IFT140: variants seen among roughly 807,000 people sequenced by gnomAD.
The protein encoded by IFT140 is intraflagellar transport 140.
IFT140 carries 133 observed loss-of-function variants against 164.6 expected under a neutral mutation model. That is an observed-to-expected ratio of 0.81 (90% CI 0.70 to 0.93). IFT140 has a LOEUF of 0.93. IFT140 is among the 40% of genes least tolerant of loss of function. IFT140 has a pLI of 0.00. For synonymous variants in IFT140, 860 were observed against 817.3 expected (o/e 1.05, Z -0.89); for missense variants, 2,045 against 1,972.3 (o/e 1.04, Z -0.70).
chr16:1,580,703 G>T, intron 13 of IFT140, 56 bp downstream of exon 13: 1 of 1,160,746 alleles, frequency 8.6e-7, no homozygotes, highest in Non-Finnish European at 1.3e-6. Flanking sequence ...TGTCTCAATT[G>T]AGAGGCAGGA....
chr16:1,511,012 G>A lies in IFT140; in HGVS notation c.4321C>T (p.His1441Tyr), dbSNP rs1471404361. The A allele has an allele frequency of 6.2e-7, 1 of 1,609,048 alleles. No homozygotes were observed. Among genetic ancestry groups the A allele is most frequent in the South Asian group, 1.1e-5 (1 of 90,424 alleles). The change falls in exon 31 of 31, where the codon CAC becomes TAC. Residue 1441 changes from histidine (H) to tyrosine (Y), a missense_variant. Transcript: ENST00000426508. ...TCCCTGGCGTCCTCCATGCTGTTGT[G>A]GCGGACCTGCTCGGGGACGGTGCGT... ...LPRTVPEQVR[H>Y]NSMEDARELD...
rs750511706 is a variant in IFT140, at chr16:1,518,345, C to T, written c.4053G>A (p.Glu1351=). The part of the protein sequence containing the change: ...RFIQARRTYT[E]DPKESIKQCE... ...ACTGCTTGATGGACTCCTTGGGGTC[C>T]TCTGTGTACGTCCTGCCGAGAGCAG... Residue 1351 remains glutamate, a synonymous_variant, in exon 30 of 31, where the codon GAG becomes GAA. Coordinates refer to ENST00000426508, the MANE Select transcript of IFT140 (RefSeq NM_014714.4). The T allele has an allele frequency of 1.9e-6, 3 of 1,613,780 alleles. No homozygotes were observed. Among genetic ancestry groups the T allele is most frequent in the East Asian group, 4.5e-5 (2 of 44,882 alleles).
chr16:1,534,732 G>A (rs2030891971), intron 19 of IFT140, among the ~76,000 whole-genome samples: 1 of 150,806 alleles, frequency 6.6e-6, no homozygotes, highest in Non-Finnish European at 1.5e-5. Flanking sequence ...AGGCCCCAAG[G>A]CCCCCTCTCC....
intron 1 of IFT140, among the ~76,000 whole-genome samples, chr16:1,611,663 A>C (rs1477771855): frequency 1.3e-5 from 2 of 151,586 alleles, no homozygotes; most frequent in African/African-American, 4.8e-5. Context: ...AAAAACACAC[A>C]AATTAGCGAG....
chr16:1,592,407 G>C, intron 5 of IFT140, 60 bp downstream of exon 5: 1 of 1,610,204 alleles, frequency 6.2e-7, no homozygotes, highest in Non-Finnish European at 8.5e-7. Context: ...GGAGCAGCCC[G>C]CTTCCCACCT....
chr16:1,597,161 G>GTCAA (rs1016346049), intron 4 of IFT140, among the ~76,000 whole-genome samples: 1 of 152,182 alleles, frequency 6.6e-6, no homozygotes, highest in African/African-American at 2.4e-5. Flanking sequence ...GTGCGCGTCA[G>GTCAA]GTGAGGGTTT....
chr16:1,598,229 C>T (rs1468195022), intron 4 of IFT140, among the ~76,000 whole-genome samples: 3 of 152,160 alleles, frequency 2.0e-5, no homozygotes, highest in South Asian at 2.1e-4. Context: ...GAGGCTGAGG[C>T]GGGCAGATCA....
intron 8 of IFT140, among the ~76,000 whole-genome samples, chr16:1,587,529 G>A (rs2034951575): frequency 6.6e-6 from 1 of 152,234 alleles, no homozygotes; most frequent in Non-Finnish European, 1.5e-5. Flanking sequence ...TATGGCAGGA[G>A]GTCGCCAAGA....
chr16:1,602,931 C>T (rs2142047208), intron 3 of IFT140, among the ~76,000 whole-genome samples: 1 of 152,252 alleles, frequency 6.6e-6, no homozygotes, highest in South Asian at 2.1e-4. Context: ...CAGAGCAAGA[C>T]TCTGTCTCCA....
chr16:1,611,161 A>G (rs1200353128), intron 1 of IFT140, among the ~76,000 whole-genome samples: 1 of 152,174 alleles, frequency 6.6e-6, no homozygotes, highest in Admixed American at 6.5e-5. Flanking sequence ...GGCCTGTTCC[A>G]TCGCCGGGCC....
chr16:1,552,499 G>A (rs554341009), intron 19 of IFT140, among the ~76,000 whole-genome samples: 5 of 152,216 alleles, frequency 3.3e-5, no homozygotes, highest in African/African-American at 1.2e-4. Context: ...TGTTCAAAGT[G>A]CCCTCATTTT....
intron 19 of IFT140, among the ~76,000 whole-genome samples, chr16:1,556,067 T>C (rs746729425): frequency 6.6e-6 from 1 of 152,042 alleles, no homozygotes; most frequent in Non-Finnish European, 1.5e-5. Context: ...GATTGTGCCA[T>C]TGCACTCCAG....
rs771070134 is a variant in IFT140 at position 1,519,894 on chromosome 16, T to G, written c.4027A>C (p.Ile1343Leu). 6.4e-7 allele frequency: 1 copy of G among 1,557,204 alleles called. No individual in the cohort carries two copies. Among genetic ancestry groups the G allele is most frequent in the Admixed American group, 2.0e-5 (1 of 49,854 alleles). ...CCGGGGGCACACCTGCGGGCCTGGA[T>G]GAACCTCTTCACCAGTGCCATCCTG... Reference protein sequence around the residue: ...QSRMALVKRFIQARRTYTEDP... With the variant: ...QSRMALVKRFLQARRTYTEDP... Residue 1343 changes from isoleucine (I) to leucine (L), a missense_variant, in exon 29 of 31, where the codon ATC becomes CTC. Coordinates refer to ENST00000426508, the MANE Select transcript of IFT140 (RefSeq NM_014714.4).
At position 1,524,705 on chromosome 16, in the gene IFT140, CAAAG is replaced by C; in HGVS notation, c.2998-14_2998-11del. 1.3e-6 allele frequency: 2 copies of C among 1,574,784 alleles called. No individual in the cohort carries two copies. The highest frequency in any genetic ancestry group is 1.7e-6 in the Non-Finnish European group (2 of 1,153,858). On this transcript the variant is annotated splice_polypyrimidine_tract_variant and intron_variant, in intron 23 of 30. Transcript: ENST00000426508. ...TGGCTATTTGCGCAGCCTAGAAAGA[CAAAG>C]AACCCAAAGACGAGACACGGTGGCC...
At position 1,592,197 on chromosome 16, in the gene IFT140, A is replaced by G; in HGVS notation, c.613T>C (p.Phe205Leu). The G allele has an allele frequency of 1.2e-6, 2 of 1,614,166 alleles. No individual in the cohort carries two copies. Among genetic ancestry groups the G allele is most frequent in the Non-Finnish European group, 1.7e-6 (2 of 1,180,018 alleles). Residue 205 changes from phenylalanine to leucine, a missense_variant, in exon 6 of 31, where the codon TTC becomes CTC. Coordinates refer to ENST00000426508, the MANE Select transcript of IFT140 (RefSeq NM_014714.4). ...TCACCGTCCATCAGACTGACAAAGA[A>G]CAACAGCCCCTCGTGAGACCCCATC... Reference protein sequence around the residue: ...LKMGSHEGLLFFVSLMDGTVH... With the variant: ...LKMGSHEGLLLFVSLMDGTVH...
chr16:1,524,818 A>C lies in IFT140; in HGVS notation c.2963T>G (p.Val988Gly). Residue 988 changes from valine (V) to glycine (G), a missense_variant, in exon 23 of 31, where the codon GTC becomes GGC. Transcript: ENST00000426508. ...YELARDHFSL[V>G]RIHCFQGNVQ... ...ATTGCCCTGGAAGCAGTGGATGCGG[A>C]CCAGGGAGAAGTGGTCCCGGGCCAG... 1.2e-6 allele frequency: 2 copies of C among 1,612,066 alleles called. No homozygotes were observed. The highest frequency in any genetic ancestry group is 1.7e-6 in the Non-Finnish European group (2 of 1,178,644).
Position 1,519,886 on chromosome 16 carries a change from G to A in IFT140, c.4035C>T (p.Ala1345=), listed in dbSNP as rs942381725. Residue 1345 remains alanine (A), a synonymous_variant, in exon 29 of 31, where the codon GCC becomes GCT. Transcript: ENST00000426508. Reference sequence around the variant, plus strand: ...CGCTGGCCCCGGGGGCACACCTGCGGGCCTGGATGAACCTCTTCACCAGTG... The same window carrying A: ...CGCTGGCCCCGGGGGCACACCTGCGAGCCTGGATGAACCTCTTCACCAGTG... ...RMALVKRFIQ[A]RRTYTEDPKE... The A allele has an allele frequency of 1.3e-6, 2 of 1,544,178 alleles. No homozygotes were observed. The highest frequency in any genetic ancestry group is 1.7e-6 in the Non-Finnish European group (2 of 1,147,612).
At chr16:1,558,178 G>A (rs1481491746) in intron 18 of IFT140, 44 bp from the exon 19 acceptor site, 20 of 1,593,062 alleles carry the variant, frequency 1.3e-5, no homozygotes, top group Non-Finnish European at 1.7e-5. Context: ...CATATGTAAA[G>A]CTGAAGCCCT....
At chr16:1,607,699 A>C (rs2036147027) in intron 2 of IFT140, among the ~76,000 whole-genome samples, 1 of 152,214 alleles carries the variant, frequency 6.6e-6, no homozygotes, top group African/African-American at 2.4e-5. Flanking sequence ...GCTGGAGTGC[A>C]GTGGTGTGAT....
Sources: allele counts gnomAD v4.1 joint callset (sites outside exome capture counted in the v4.1 genomes callset), GRCh38; gene constraint gnomAD v4.1.1; transcripts MANE v1.5; gene names NCBI Gene and HGNC (gene_info 2026-07-23, HGNC 2026-07-21).